The following TPD52L1 variants were observed in gnomAD, a reference collection of about 807,000 sequenced individuals.
The protein encoded by TPD52L1 is tumor protein D53.
A neutral mutation model predicts 28.7 loss-of-function variants in TPD52L1; 18 were observed. The observed-to-expected ratio is 0.63, with a 90% CI of 0.43 to 0.93. The LOEUF is 0.93. Ranked by LOEUF, TPD52L1 falls within the 40% of genes least tolerant of loss-of-function variation. The probability of loss-of-function intolerance (pLI) is 0.00; values close to 1 mark genes in which losing one functional copy is unlikely to be tolerated. For missense variants in TPD52L1, 203 were observed against 254.8 expected (o/e 0.80, Z 1.39); for synonymous variants, 75 against 88.8 (o/e 0.84, Z 0.88).
At chr6:125,172,480 T>TGTG (rs1562213354) in intron 1 of TPD52L1, among the ~76,000 whole-genome samples, 55 of 107,302 alleles carry the variant, frequency 5.1e-4, no homozygotes, top group African/African-American at 2.0e-3. Context: ...GTGTGTGTGT[T>TGTG]TTTTTTTTAG....
At chr6:125,187,646 T>G (rs2114844967) in intron 1 of TPD52L1, among the ~76,000 whole-genome samples, 1 of 152,336 alleles carries the variant, frequency 6.6e-6, no homozygotes, top group East Asian at 1.9e-4. Flanking sequence ...TGGTGAAGAT[T>G]AACAAGATGG....
rs1225006271 is a variant in TPD52L1, at chr6:125,233,914, G to T, written c.284+4648G>T. On this transcript the variant is annotated intron_variant, in intron 3 of 6. Coordinates refer to ENST00000534000, the MANE Select transcript of TPD52L1 (RefSeq NM_003287.4). ...GAATGCTTTTTATTTGGCTTGCAGA[G>T]ACCCTTACCTCACACTACTGAAGAT... 5.9e-5 allele frequency among the ~76,000 whole-genome samples: 9 copies of T among 152,174 alleles called. No homozygotes were observed. In the East Asian group the frequency reaches 1.7e-3, roughly 29 times the overall value.
chr6:125,184,334 A>C (rs199777360), intron 1 of TPD52L1, among the ~76,000 whole-genome samples: 3 of 152,166 alleles, frequency 2.0e-5, no homozygotes, highest in African/African-American at 7.2e-5. Flanking sequence ...TTGACACCAC[A>C]TAGTTAGGGG....
At chr6:125,238,912 AATT>A (rs1796446664) in intron 3 of TPD52L1, among the ~76,000 whole-genome samples, 1 of 152,230 alleles carries the variant, frequency 6.6e-6, no homozygotes, top group Non-Finnish European at 1.5e-5. Flanking sequence ...ATATTTTTGC[AATT>A]GCAAATTGTG....
intron 1 of TPD52L1, among the ~76,000 whole-genome samples, chr6:125,165,873 A>G (rs1293921100): frequency 6.6e-6 from 1 of 152,196 alleles, no homozygotes; most frequent in Non-Finnish European, 1.5e-5. Context: ...AAGTCAGTTC[A>G]AATATGGAAT....
chr6:125,216,003 A>T (rs1210511245), intron 1 of TPD52L1, among the ~76,000 whole-genome samples: 1 of 151,960 alleles, frequency 6.6e-6, no homozygotes, highest in Non-Finnish European at 1.5e-5. Flanking sequence ...GTGTTGCAGT[A>T]CCCCCAGGAC....
At chr6:125,224,952 G>C (rs1183140754) in intron 2 of TPD52L1, among the ~76,000 whole-genome samples, 1 of 152,092 alleles carries the variant, frequency 6.6e-6, no homozygotes, top group Non-Finnish European at 1.5e-5. Flanking sequence ...GTGTTGTGTT[G>C]TGTAACCACC....
intron 1 of TPD52L1, among the ~76,000 whole-genome samples, chr6:125,198,954 C>T (rs1360900044): frequency 1.3e-5 from 2 of 152,172 alleles, no homozygotes; most frequent in Non-Finnish European, 1.5e-5. Context: ...AGAAATCCGG[C>T]GAAATGGTCA....
intron 1 of TPD52L1, among the ~76,000 whole-genome samples, chr6:125,207,410 G>T (rs1386728480): frequency 1.3e-5 from 2 of 152,190 alleles, no homozygotes; most frequent in Non-Finnish European, 2.9e-5. Context: ...TGGAAAATGA[G>T]GAAATGCCAC....
At chr6:125,226,353 T>C (rs1795607607) in intron 2 of TPD52L1, among the ~76,000 whole-genome samples, 1 of 152,162 alleles carries the variant, frequency 6.6e-6, no homozygotes, top group African/African-American at 2.4e-5. Flanking sequence ...TTATATTTCT[T>C]TTTTTTAAGA....
At chr6:125,208,528 C>T (rs553568030) in intron 1 of TPD52L1, among the ~76,000 whole-genome samples, 24 of 151,766 alleles carry the variant, frequency 1.6e-4, no homozygotes, top group African/African-American at 5.6e-4. Context: ...TCAACTAATG[C>T]CTTTTTTTTT....
intron 2 of TPD52L1, among the ~76,000 whole-genome samples, chr6:125,227,276 T>C (rs540020778): frequency 6.6e-6 from 1 of 152,348 alleles, no homozygotes; most frequent in African/African-American, 2.4e-5. Flanking sequence ...TGATTATTTG[T>C]GTATATAAAG....
intron 5 of TPD52L1, among the ~76,000 whole-genome samples, chr6:125,256,837 T>C (rs1049810375): frequency 2.6e-5 from 4 of 152,264 alleles, no homozygotes; most frequent in Non-Finnish European, 4.4e-5. Context: ...TTATTACAGT[T>C]GTGTCATTGC....
chr6:125,211,366 A>G (rs1233083492), intron 1 of TPD52L1, among the ~76,000 whole-genome samples: 1 of 152,132 alleles, frequency 6.6e-6, no homozygotes, highest in Non-Finnish European at 1.5e-5. Context: ...TGTAAGAAAG[A>G]AAAAGTGCTG....
intron 3 of TPD52L1, among the ~76,000 whole-genome samples, chr6:125,234,083 C>T (rs1473898862): frequency 6.6e-6 from 1 of 152,216 alleles, no homozygotes; most frequent in Non-Finnish European, 1.5e-5. Flanking sequence ...GTACTCAACA[C>T]CAAACATCTC....
intron 3 of TPD52L1, among the ~76,000 whole-genome samples, chr6:125,238,393 G>A (rs1161835398): frequency 1.3e-5 from 2 of 151,908 alleles, no homozygotes; most frequent in Non-Finnish European, 2.9e-5. Flanking sequence ...GGAAACAGGT[G>A]GCTTTTGGTT....
intron 3 of TPD52L1, among the ~76,000 whole-genome samples, chr6:125,246,360 A>G (rs1796925323): frequency 6.6e-6 from 1 of 152,030 alleles, no homozygotes; most frequent in Non-Finnish European, 1.5e-5. Flanking sequence ...CTTTCAAAGG[A>G]TCTGTGAATT....
chr6:125,245,572 G>A (rs1190280683), intron 3 of TPD52L1, among the ~76,000 whole-genome samples: 1 of 152,114 alleles, frequency 6.6e-6, no homozygotes, highest in Admixed American at 6.5e-5. Flanking sequence ...ACTCTCCTTG[G>A]GTAGGGCTTG....
At chr6:125,177,504 G>A (rs1357217312) in intron 1 of TPD52L1, among the ~76,000 whole-genome samples, 1 of 152,150 alleles carries the variant, frequency 6.6e-6, no homozygotes, top group African/African-American at 2.4e-5. Flanking sequence ...GCACTTGAGG[G>A]ATGAGGAGAT....
Sources: allele counts gnomAD v4.1 joint callset (sites outside exome capture counted in the v4.1 genomes callset), GRCh38; gene constraint gnomAD v4.1.1; transcripts MANE v1.5; gene names NCBI Gene and HGNC (gene_info 2026-07-23, HGNC 2026-07-21).